PPP1R9A: variants seen among roughly 807,000 people sequenced by gnomAD.
PPP1R9A encodes the protein protein phosphatase 1 regulatory subunit 9A.
A neutral mutation model predicts 141.9 loss-of-function variants in PPP1R9A; 59 were observed. That is an observed-to-expected ratio of 0.42 (90% CI 0.34 to 0.52). PPP1R9A has a LOEUF of 0.52. Ranked by LOEUF, PPP1R9A falls within the 20% of genes least tolerant of loss-of-function variation. The probability of loss-of-function intolerance (pLI) is 0.10; values close to 1 mark genes in which losing one functional copy is unlikely to be tolerated. For synonymous variants in PPP1R9A, 500 were observed against 569.7 expected, an observed-to-expected ratio of 0.88 and a Z score of 1.74; for missense variants, 1,444 against 1,611.9, an observed-to-expected ratio of 0.90 and a Z score of 1.78.
At chr7:95,134,458 C>T (rs1825261505) in intron 4 of PPP1R9A, among the ~76,000 whole-genome samples, 1 of 152,130 alleles carries the variant, frequency 6.6e-6, no homozygotes. Flanking sequence ...ACATTCTGCA[C>T]ATGTATTCAC....
At chr7:95,263,545 G>C (rs534015249) in intron 12 of PPP1R9A, among the ~76,000 whole-genome samples, 15 of 151,950 alleles carry the variant, frequency 9.9e-5, no homozygotes, top group Middle Eastern at 3.4e-3. Context: ...TGATTCACCT[G>C]CCTGAGTAGC....
chr7:95,207,902 A>G (rs1418756252), intron 7 of PPP1R9A, among the ~76,000 whole-genome samples: 1 of 152,180 alleles, frequency 6.6e-6, no homozygotes, highest in East Asian at 1.9e-4. Context: ...GAAGAGCTTC[A>G]TAGAGAAAAA....
chr7:95,022,675 G>C lies in PPP1R9A; in HGVS notation c.1396-88584G>C, dbSNP rs1297380414. On this transcript the variant is annotated intron_variant, in intron 2 of 19. Coordinates refer to ENST00000433360, the MANE Select transcript of PPP1R9A (RefSeq NM_001166160.2). The stretch of plus-strand genomic sequence containing the variant: ...GCCATCAATATCTAGTTTATTGAGA[G>C]TTTTTAGCATGAAGGGGTGTTGAAT... 2.6e-5 allele frequency among the ~76,000 whole-genome samples: 4 copies of C among 152,270 alleles called. No individual in the cohort carries two copies. The East Asian group carries it at 7.7e-4, about 29-fold the overall frequency.
Position 94,911,011 on chromosome 7 carries a change from A to C in PPP1R9A, c.898A>C (p.Ser300Arg), listed in dbSNP as rs758676917. The change falls in exon 2 of 20, where the codon AGC becomes CGC. Residue 300 changes from serine (S) to arginine (R), a missense_variant. Ser to Arg is a moderately radical substitution (Grantham distance 110). Transcript: ENST00000433360. The part of the protein sequence containing the change: ...ASIPGEEIQQ[S>R]KEPEDSTSNQ... ...GATACCTGGTGAAGAGATCCAGCAG[A>C]GCAAGGAACCCGAGGACTCCACATC... 9 of 1,614,058 alleles carry C rather than the reference A, an allele frequency of 5.6e-6. No individual in the cohort carries two copies. The highest frequency in any genetic ancestry group is 1.3e-5 in the African/African-American group (1 of 74,920).
At chr7:95,237,182 T>A (rs2888968) in intron 8 of PPP1R9A, among the ~76,000 whole-genome samples, 22,039 of 137,188 alleles carry the variant, frequency 0.16, 1,985 homozygotes, top group African/African-American at 0.25. Context: ...TATATATATT[T>A]TTTTTTTTTT....
intron 4 of PPP1R9A, among the ~76,000 whole-genome samples, chr7:95,138,305 A>G (rs572526237): frequency 6.6e-6 from 1 of 152,232 alleles, no homozygotes; most frequent in Non-Finnish European, 1.5e-5. Context: ...GTGCTAGAAC[A>G]ATTAGATACC....
chr7:95,102,443 A>T (rs1337384699), intron 2 of PPP1R9A, among the ~76,000 whole-genome samples: 1 of 152,196 alleles, frequency 6.6e-6, no homozygotes, highest in Non-Finnish European at 1.5e-5. Context: ...GATTGACCCT[A>T]GAATCCAGCA....
At chr7:94,983,074 G>A (rs570057037) in intron 2 of PPP1R9A, among the ~76,000 whole-genome samples, 14 of 152,138 alleles carry the variant, frequency 9.2e-5, no homozygotes, top group African/African-American at 2.9e-4. Flanking sequence ...ATTAAATAGG[G>A]AATTCCTATT....
chr7:95,134,321 G>A (rs548126231), intron 4 of PPP1R9A, among the ~76,000 whole-genome samples: 1 of 152,108 alleles, frequency 6.6e-6, no homozygotes, highest in Non-Finnish European at 1.5e-5. Context: ...CCTGTTGGTG[G>A]GTGGGGGTCA....
chr7:95,269,587 T>A, intron 14 of PPP1R9A, 80 bp downstream of exon 14: 1 of 1,157,128 alleles, frequency 8.6e-7, no homozygotes, highest in Non-Finnish European at 1.2e-6. Flanking sequence ...TAATCATAAG[T>A]CATTTGTTTT....
intron 2 of PPP1R9A, among the ~76,000 whole-genome samples, chr7:95,049,247 G>A: frequency 6.6e-6 from 1 of 152,128 alleles, no homozygotes; most frequent in Non-Finnish European, 1.5e-5. Context: ...CAGGGATTAA[G>A]ATCAGAAGGA....
At chr7:95,195,208 A>G (rs1423293557) in intron 5 of PPP1R9A, among the ~76,000 whole-genome samples, 2 of 152,114 alleles carry the variant, frequency 1.3e-5, no homozygotes, top group Non-Finnish European at 2.9e-5. Flanking sequence ...CACTTTAAGG[A>G]GAAAAATAGG....
chr7:95,112,475 G>C (rs1295082411), intron 3 of PPP1R9A, among the ~76,000 whole-genome samples: 1 of 152,172 alleles, frequency 6.6e-6, no homozygotes, highest in African/African-American at 2.4e-5. Context: ...ATGTAAATCA[G>C]TACAATCTCT....
rs773881176 is a variant in PPP1R9A at position 94,911,053 on chromosome 7, G to A, written c.940G>A (p.Asp314Asn). ...CTCCACATCTAATCAACAGACTCCC[G>A]ACAGCATTGACAAAGATGGTCCTGA... ...EDSTSNQQTP[D>N]SIDKDGPEEP... The change falls in exon 2 of 20, where the codon GAC becomes AAC. Residue 314 changes from aspartate (D) to asparagine (N), a missense_variant. By Grantham distance (23) the Asp-to-Asn change is conservative. Coordinates refer to ENST00000433360, the MANE Select transcript of PPP1R9A (RefSeq NM_001166160.2). 1 of 1,614,112 alleles carries A rather than the reference G, an allele frequency of 6.2e-7. No individual in the cohort carries two copies. Among genetic ancestry groups the A allele is most frequent in the Non-Finnish European group, 8.5e-7 (1 of 1,180,006 alleles).
chr7:95,270,193 G>A (rs776429233), intron 14 of PPP1R9A, among the ~76,000 whole-genome samples: 1 of 152,154 alleles, frequency 6.6e-6, no homozygotes, highest in Non-Finnish European at 1.5e-5. Flanking sequence ...CCCCTGAAAG[G>A]TAAAGAAAGC....
Position 94,910,361 on chromosome 7 carries a change from T to C in PPP1R9A, c.248T>C (p.Val83Ala), listed in dbSNP as rs768827470. ...ATGGAACCCAACGAGAATGCTGCAG[T>C]CATTGCCAAAACAAGGGGGAAAGGT... is the stretch of plus-strand genomic sequence containing the variant. ...MGMEPNENAA[V>A]IAKTRGKGGH... Residue 83 changes from valine to alanine, a missense_variant, in exon 2 of 20, where the codon GTC (valine) becomes GCC (alanine). Around this residue, in one of 5 missense-constraint regions of PPP1R9A, gnomAD observed 490 missense variants for 521.1 expected, o/e 0.94. Transcript: ENST00000433360. The surrounding 1 kb of genome is among the most constrained non-coding windows in gnomAD (Gnocchi z 4.5). The C allele has an allele frequency of 3.1e-6, 5 of 1,614,000 alleles. No individual in the cohort carries two copies. Among genetic ancestry groups the C allele is most frequent in the Non-Finnish European group, 4.2e-6 (5 of 1,180,030 alleles).
At chr7:95,023,365 C>G (rs1806285722) in intron 2 of PPP1R9A, among the ~76,000 whole-genome samples, 1 of 152,000 alleles carries the variant, frequency 6.6e-6, no homozygotes, top group Admixed American at 6.6e-5. Flanking sequence ...TGATTCTTCT[C>G]TCTTTTCTTC....
At chr7:95,173,191 T>C (rs1233109777) in intron 5 of PPP1R9A, among the ~76,000 whole-genome samples, 1 of 151,904 alleles carries the variant, frequency 6.6e-6, no homozygotes, top group Non-Finnish European at 1.5e-5. Flanking sequence ...AAATACCTTA[T>C]ATTCTCATAT....
chr7:94,964,151 G>T (rs1426283383), intron 2 of PPP1R9A, among the ~76,000 whole-genome samples: 1 of 152,034 alleles, frequency 6.6e-6, no homozygotes, highest in African/African-American at 2.4e-5. Context: ...CTGGGTTAGG[G>T]TTGCCCAAAC....
Sources: gnomAD v4.1 joint callset for allele counts (sites outside exome capture counted in the v4.1 genomes callset) on GRCh38, gnomAD v4.1.1 for gene constraint, gnomAD v4.1.1 regional missense constraint, Gnocchi (gnomAD v3.1) non-coding constraint, MANE v1.5 for transcripts, NCBI Gene and HGNC (gene_info 2026-07-23, HGNC 2026-07-21) for gene names.